Variants in COL24A1 observed in about 807,000 individuals in gnomAD.
The protein encoded by COL24A1 is collagen type XXIV alpha 1 chain.
Under a neutral mutation model 253.9 loss-of-function variants are expected in COL24A1, and 224 were observed. That is an observed-to-expected ratio of 0.88 (90% CI 0.79 to 0.99). COL24A1 has a LOEUF of 0.99. Ranked by LOEUF, COL24A1 falls within the 50% of genes least tolerant of loss-of-function variation. COL24A1 has a pLI of 0.00. For synonymous variants in COL24A1, 685 were observed against 673.7 expected, an observed-to-expected ratio of 1.02 and a Z score of -0.26; for missense variants, 2,131 against 2,068.5, an observed-to-expected ratio of 1.03 and a Z score of -0.59.
intron 24 of COL24A1, among the ~76,000 whole-genome samples, chr1:85,917,064 C>T (rs1039749388): frequency 6.6e-6 from 1 of 152,128 alleles, no homozygotes; most frequent in Non-Finnish European, 1.5e-5. Flanking sequence ...ATGACCAATA[C>T]TGAGAAATAA....
intron 4 of COL24A1, among the ~76,000 whole-genome samples, chr1:86,114,940 T>G (rs1705989309): frequency 6.6e-6 from 1 of 152,174 alleles, no homozygotes; most frequent in Admixed American, 6.5e-5. Context: ...AGCTTCAGAA[T>G]TTTCCACTAT....
chr1:86,131,198 G>A (rs1218362263), intron 2 of COL24A1, among the ~76,000 whole-genome samples: 1 of 151,894 alleles, frequency 6.6e-6, no homozygotes, highest in Non-Finnish European at 1.5e-5. Flanking sequence ...TCTTTGAAAT[G>A]CAGGAATTTT....
At chr1:86,133,769 T>C (rs150828534) in intron 2 of COL24A1, among the ~76,000 whole-genome samples, 1,666 of 151,670 alleles carry the variant, frequency 0.011, 18 homozygotes, top group African/African-American at 0.033. Context: ...TTATTGAGGA[T>C]GTTTGCATTG....
chr1:86,069,341 G>A (rs957004689), intron 7 of COL24A1, among the ~76,000 whole-genome samples: 2 of 152,114 alleles, frequency 1.3e-5, no homozygotes, highest in African/African-American at 4.8e-5. Flanking sequence ...ATGGACTAGT[G>A]GTGGTGGCCA....
At chr1:85,965,997 A>G (rs1004814912) in intron 22 of COL24A1, among the ~76,000 whole-genome samples, 1 of 152,164 alleles carries the variant, frequency 6.6e-6, no homozygotes, top group Non-Finnish European at 1.5e-5. Context: ...AAAACTGATG[A>G]GATCTAAGTT....
chr1:85,948,925 A>G (rs535144924), intron 24 of COL24A1, among the ~76,000 whole-genome samples: 70 of 152,218 alleles, frequency 4.6e-4, no homozygotes, highest in African/African-American at 1.6e-3. Flanking sequence ...GATGTACAAC[A>G]TTAAAAAATA....
intron 5 of COL24A1, among the ~76,000 whole-genome samples, chr1:86,107,318 G>A (rs1417060276): frequency 6.6e-6 from 1 of 151,890 alleles, no homozygotes; most frequent in Middle Eastern, 3.2e-3. Context: ...CTTATGATTG[G>A]GATAAAACTA....
intron 43 of COL24A1, among the ~76,000 whole-genome samples, chr1:85,828,997 T>C (rs1409725180): frequency 6.6e-6 from 1 of 152,108 alleles, no homozygotes; most frequent in Non-Finnish European, 1.5e-5. Context: ...GCTCGTTAGT[T>C]GATGCAGTTT....
intron 10 of COL24A1, among the ~76,000 whole-genome samples, chr1:86,056,351 C>G (rs1367992094): frequency 6.6e-6 from 1 of 152,146 alleles, no homozygotes; most frequent in Non-Finnish European, 1.5e-5. Flanking sequence ...CCAGCTATAA[C>G]TTTGCCAGAT....
intron 31 of COL24A1, among the ~76,000 whole-genome samples, chr1:85,895,142 G>T (rs1030105050): frequency 6.6e-6 from 1 of 152,064 alleles, no homozygotes; most frequent in Non-Finnish European, 1.5e-5. Flanking sequence ...CTATGTGTAA[G>T]TATGCATGTG....
chr1:85,955,961 A>C (rs924939105), intron 24 of COL24A1, among the ~76,000 whole-genome samples: 1 of 152,246 alleles, frequency 6.6e-6, no homozygotes, highest in Non-Finnish European at 1.5e-5. Flanking sequence ...TTACAGAGCA[A>C]AATTTTATTT....
At chr1:85,763,965 C>T (rs544580218) in intron 53 of COL24A1, among the ~76,000 whole-genome samples, 10 of 152,290 alleles carry the variant, frequency 6.6e-5, no homozygotes, top group African/African-American at 1.7e-4. Flanking sequence ...TTTAAAAATA[C>T]GTGTAAGTGC....
In COL24A1 at chr1:85,775,656, A is replaced by G; in HGVS notation, c.4374+18T>C. The stretch of plus-strand genomic sequence containing the variant: ...CTAGTGTCAGGGTTACTATAATCAC[A>G]AATTTAGTTAAACTTACAGTTTCAC... On this transcript the variant is annotated intron_variant, in intron 53 of 59. Transcript: ENST00000370571. The G allele has an allele frequency of 1.2e-6, 2 of 1,602,868 alleles. No homozygotes were observed. The highest frequency in any genetic ancestry group is 2.3e-5 in the South Asian group (2 of 88,758).
Position 85,745,443 on chromosome 1 carries a change from C to T in COL24A1, c.4501G>A (p.Glu1501Lys). Residue 1501 changes from glutamate to lysine, a missense_variant and splice_region_variant, in exon 56 of 60, where the codon GAG (glutamate) becomes AAG (lysine). Glu to Lys is a moderately conservative substitution (Grantham distance 56). Coordinates refer to ENST00000370571, the MANE Select transcript of COL24A1 (RefSeq NM_152890.7). ...LIESNTALQM[E>K]SYQNTEVTLI... is the part of the protein sequence containing the mutation. ...ATAAATAAAACCAGATATGTTACCT[C>T]CATCTGTAGGGCAGTATTTGATTCA... is the stretch of plus-strand genomic sequence containing the variant. 13 of 1,603,626 alleles carry T rather than the reference C, an allele frequency of 8.1e-6. No homozygotes were observed. Among genetic ancestry groups the T allele is most frequent in the Non-Finnish European group, 1.1e-5 (13 of 1,174,914 alleles).
chr1:85,792,568 T>C (rs1435721011), intron 47 of COL24A1, among the ~76,000 whole-genome samples: 2 of 147,450 alleles, frequency 1.4e-5, no homozygotes, highest in Non-Finnish European at 3.0e-5. Context: ...TACCAGGGCA[T>C]GGTATTGTGA....
At chr1:86,116,977 A>C (rs1706207862) in intron 3 of COL24A1, among the ~76,000 whole-genome samples, 1 of 152,182 alleles carries the variant, frequency 6.6e-6, no homozygotes, top group Non-Finnish European at 1.5e-5. Flanking sequence ...TTTTCAAGTT[A>C]ATTCTGGTCC....
intron 55 of COL24A1, among the ~76,000 whole-genome samples, 175 bp downstream of exon 55, chr1:85,761,221 C>T (rs1361937127): frequency 6.6e-6 from 1 of 152,166 alleles, no homozygotes; most frequent in African/African-American, 2.4e-5. Flanking sequence ...AATAAGAAGT[C>T]TGAGGCTTGG....
At chr1:86,032,991 C>A (rs151087347) in intron 13 of COL24A1, among the ~76,000 whole-genome samples, 436 of 152,072 alleles carry the variant, frequency 2.9e-3, no homozygotes, top group Non-Finnish European at 4.4e-3. Flanking sequence ...GAATCATATG[C>A]AAGAAAAATG....
intron 19 of COL24A1, among the ~76,000 whole-genome samples, chr1:86,004,578 C>A (rs1016847831): frequency 4.1e-4 from 59 of 144,924 alleles, no homozygotes; most frequent in Admixed American, 6.8e-4. Flanking sequence ...AATCACTGAC[C>A]CATATGGAGT....
Sources: allele counts gnomAD v4.1 joint callset (sites outside exome capture counted in the v4.1 genomes callset), GRCh38; gene constraint gnomAD v4.1.1; transcripts MANE v1.5; gene names NCBI Gene and HGNC (gene_info 2026-07-23, HGNC 2026-07-21).